The following DST variants were observed in gnomAD, a reference collection of about 807,000 sequenced individuals.
DST encodes the protein dystonin.
Under a neutral mutation model 875.2 loss-of-function variants are expected in DST, and 253 were observed. The ratio of observed to expected loss-of-function variants is 0.29; its 90% CI spans 0.26 to 0.32. DST has a LOEUF of 0.32. DST is among the 10% of genes least tolerant of loss of function. The pLI is 1.00. For synonymous variants in DST, 3,124 were observed against 3,197.1 expected (o/e 0.98, Z 0.77); for missense variants, 8,287 against 9,111.6 (o/e 0.91, Z 3.68).
At chr6:56,655,688 T>A (rs1279436824) in intron 10 of DST, among the ~76,000 whole-genome samples, 2 of 152,000 alleles carry the variant, frequency 1.3e-5, no homozygotes, top group Non-Finnish European at 2.9e-5. Context: ...ATATGTCAGG[T>A]TTTTCCTGAC....
chr6:56,678,974 C>T (rs962084911), intron 9 of DST, among the ~76,000 whole-genome samples: 2 of 152,156 alleles, frequency 1.3e-5, no homozygotes, highest in African/African-American at 4.8e-5. Context: ...TTCAAAGCTG[C>T]CTCTGAGAAC....
At position 56,867,703 on chromosome 6, in the gene DST, C is replaced by T. The variant is rs565719484; in HGVS notation, c.418-16099G>A. On this transcript the variant is annotated intron_variant, in intron 3 of 103. Transcript: ENST00000680361. ...ATTTTGAGGTATGGTGGTGCACAGC[C>T]GTAGTGCCAGCTATTCGGGAGGCTG... Among the ~76,000 whole-genome samples the T allele has an allele frequency of 3.9e-5, 6 of 152,026 alleles. No individual in the cohort carries two copies. In the South Asian group the frequency reaches 8.3e-4, roughly 21 times the overall value.
At chr6:56,668,332 A>G in intron 10 of DST, among the ~76,000 whole-genome samples, 1 of 152,218 alleles carries the variant, frequency 6.6e-6, no homozygotes, top group East Asian at 1.9e-4. Context: ...AAACAAGTGT[A>G]GGCAAGTTGA....
At chr6:56,627,759 T>C (rs1415460485) in intron 33 of DST, among the ~76,000 whole-genome samples, 3 of 152,146 alleles carry the variant, frequency 2.0e-5, no homozygotes, top group East Asian at 1.9e-4. Context: ...CATTAGGAAT[T>C]TGAAAAGTAT....
intron 61 of DST, among the ~76,000 whole-genome samples, chr6:56,537,361 T>C (rs1219563118): frequency 1.3e-5 from 2 of 152,202 alleles, no homozygotes; most frequent in Non-Finnish European, 2.9e-5. Context: ...GCAATCCTAA[T>C]AGGCTCTCCT....
chr6:56,757,180 T>C (rs1474469612), intron 4 of DST, among the ~76,000 whole-genome samples: 2 of 152,190 alleles, frequency 1.3e-5, no homozygotes, highest in African/African-American at 4.8e-5. Flanking sequence ...CTATTATGTA[T>C]ACACTAGAAA....
At chr6:56,843,372 C>T (rs1372860769) in intron 4 of DST, 6 of 1,165,916 alleles carry the variant, frequency 5.1e-6, no homozygotes, top group Non-Finnish European at 4.2e-6. Context: ...GATGGTGGGC[C>T]GCCCGGCTCC....
intron 65 of DST, 68 bp downstream of exon 65, chr6:56,529,906 A>C: frequency 1.3e-6 from 2 of 1,577,816 alleles, no homozygotes; most frequent in Non-Finnish European, 1.7e-6. Context: ...ATAGTACATA[A>C]CTCAAATTTA....
chr6:56,825,107 T>C (rs975738285), intron 4 of DST, among the ~76,000 whole-genome samples: 1 of 151,684 alleles, frequency 6.6e-6, no homozygotes, highest in Admixed American at 6.6e-5. Flanking sequence ...GCCGTGTCTG[T>C]GTAGAAAGAA....
Position 56,487,170 on chromosome 6 carries a change from T to C in DST, c.20981A>G (p.Lys6994Arg), listed in dbSNP as rs747140695. ...EKTSLADDNLKLDDMLSELRD... is the reference protein window; with the variant it reads ...EKTSLADDNLRLDDMLSELRD... ...GAGTTCACTCAGCATGTCATCCAGT[T>C]TCAGGTTGTCATCAGCCAGGGAGGT... is the stretch of plus-strand genomic sequence containing the variant. The change falls in exon 87 of 104, where the codon AAA becomes AGA. Residue 6994 changes from lysine to arginine, a missense_variant. Physicochemically the swap from Lys to Arg is conservative, Grantham distance 26. This residue lies in a region of DST where 1,292 missense variants were observed against 1,552.7 expected (regional missense o/e 0.83). Coordinates refer to ENST00000680361, the MANE Select transcript of DST (RefSeq NM_001374736.1). The C allele has an allele frequency of 1.5e-5, 24 of 1,613,806 alleles. No homozygotes were observed. The highest frequency in any genetic ancestry group is 1.9e-5 in the Non-Finnish European group (23 of 1,179,850).
chr6:56,821,834 G>A (rs2099773370), intron 4 of DST, among the ~76,000 whole-genome samples: 1 of 152,050 alleles, frequency 6.6e-6, no homozygotes, highest in Non-Finnish European at 1.5e-5. Flanking sequence ...ATATTTTTAG[G>A]GTTAGCTTAA....
Position 56,610,090 on chromosome 6 carries a change from G to C in DST, c.5283+337C>G, listed in dbSNP as rs2098532453. 2.0e-5 allele frequency among the ~76,000 whole-genome samples: 3 copies of C among 152,092 alleles called. No individual in the cohort carries two copies. In the South Asian group the frequency reaches 6.2e-4, roughly 32 times the overall value. Reference sequence around the variant, plus strand: ...CTCTAACACATCAATGCCACCTTTAGAGATGACCCACAGGCTCTTTTATAG... The same window carrying C: ...CTCTAACACATCAATGCCACCTTTACAGATGACCCACAGGCTCTTTTATAG... On this transcript the variant is annotated intron_variant, in intron 39 of 103. Transcript: ENST00000680361.
At chr6:56,950,456 G>T (rs1287185128) in intron 2 of DST, among the ~76,000 whole-genome samples, 1 of 152,076 alleles carries the variant, frequency 6.6e-6, no homozygotes, top group Non-Finnish European at 1.5e-5. Context: ...TTAAAATCAG[G>T]ATTGTCACAG....
At chr6:56,484,526 T>C (rs990993495) in intron 88 of DST, 1 of 152,142 alleles carries the variant, frequency 6.6e-6, no homozygotes, top group Non-Finnish European at 1.5e-5. Context: ...ACTCAGATAC[T>C]AGAGAGAAGA....
rs896126666 is a variant in DST, at chr6:56,474,017, A to G, written c.21865-15T>C. The G allele has an allele frequency of 1.3e-6, 2 of 1,564,188 alleles. No homozygotes were observed. Among genetic ancestry groups the G allele is most frequent in the Non-Finnish European group, 1.7e-6 (2 of 1,152,902 alleles). Reference sequence around the variant, plus strand: ...TCCATGAAGGTCTGAAATGAAAGAAATGATGTCAATCAAATAAGAGTTACT... The same window carrying G: ...TCCATGAAGGTCTGAAATGAAAGAAGTGATGTCAATCAAATAAGAGTTACT... On this transcript the variant is annotated splice_polypyrimidine_tract_variant and intron_variant, in intron 92 of 103. Transcript: ENST00000680361.
chr6:56,915,375 T>C (rs1171992664), intron 2 of DST, among the ~76,000 whole-genome samples: 5 of 152,162 alleles, frequency 3.3e-5, no homozygotes, highest in Non-Finnish European at 7.3e-5. Context: ...GCAAGATTTC[T>C]GAAGTGGTAA....
At chr6:56,736,645 A>C (rs796299951) in intron 4 of DST, among the ~76,000 whole-genome samples, 5 of 150,808 alleles carry the variant, frequency 3.3e-5, no homozygotes, top group African/African-American at 1.2e-4. Flanking sequence ...TTCATTCCTA[A>C]CCCCCTTTAA....
intron 4 of DST, among the ~76,000 whole-genome samples, chr6:56,810,984 C>T (rs1009932918): frequency 1.3e-5 from 2 of 151,664 alleles, no homozygotes; most frequent in African/African-American, 4.8e-5. Context: ...GAGTTCAAGA[C>T]CAGCCTGGGC....
rs1385006352 is a variant in DST at position 56,607,318 on chromosome 6, G to A, written c.7310C>T (p.Ala2437Val). ...PIFDYSPRLS[A>V]LLSHDKLMHS... ...CATCAATTTATCATGACTTAACAAG[G>A]CACTTAGCCTGGGGGAATAGTCAAA... Residue 2437 changes from alanine (A) to valine (V), a missense_variant, in exon 40 of 104, where the codon GCC becomes GTC. Physicochemically the swap from Ala to Val is moderately conservative, Grantham distance 64. Coordinates refer to ENST00000680361, the MANE Select transcript of DST (RefSeq NM_001374736.1). 1 of 1,613,302 alleles carries A rather than the reference G, an allele frequency of 6.2e-7. No homozygotes were observed. Among genetic ancestry groups the A allele is most frequent in the Admixed American group, 1.7e-5 (1 of 59,930 alleles).
Sources: gnomAD v4.1 joint callset for allele counts (sites outside exome capture counted in the v4.1 genomes callset) on GRCh38, gnomAD v4.1.1 for gene constraint, gnomAD v4.1.1 regional missense constraint, MANE v1.5 for transcripts, NCBI Gene and HGNC (gene_info 2026-07-23, HGNC 2026-07-21) for gene names.